PCDH15: variants seen among roughly 807,000 people sequenced by gnomAD.
PCDH15 encodes the protein protocadherin-15.
Under a neutral mutation model 178.5 loss-of-function variants are expected in PCDH15, and 129 were observed. That is an observed-to-expected ratio of 0.72 (90% confidence interval 0.63 to 0.84). The LOEUF (loss-of-function observed/expected upper bound fraction) is 0.84. Ranked by LOEUF, PCDH15 falls within the 40% of genes least tolerant of loss-of-function variation. The pLI is 0.00. For missense variants in PCDH15, 2,230 were observed against 2,099.9 expected (o/e 1.06, Z -1.21); for synonymous variants, 800 against 732.0 (o/e 1.09, Z -1.50).
intron 2 of PCDH15, among the ~76,000 whole-genome samples, chr10:55,615,109 A>G (rs1475065702): frequency 3.3e-5 from 5 of 152,164 alleles, no homozygotes; most frequent in Admixed American, 6.5e-5. Context: ...TTAGCTGGAA[A>G]CAGTAAAGCA....
intron 21 of PCDH15, among the ~76,000 whole-genome samples, chr10:53,993,557 A>G (rs914362936): frequency 3.9e-5 from 6 of 152,224 alleles, no homozygotes; most frequent in African/African-American, 1.2e-4. Flanking sequence ...AAACATTTAT[A>G]ACAGTAACAG....
intron 2 of PCDH15, among the ~76,000 whole-genome samples, chr10:55,141,727 T>C (rs1478620704): frequency 6.6e-6 from 1 of 152,050 alleles, no homozygotes; most frequent in East Asian, 1.9e-4. Flanking sequence ...TTGTAAGCTG[T>C]TCAACATTAA....
At chr10:54,357,304 A>C (rs367757802) in intron 5 of PCDH15, among the ~76,000 whole-genome samples, 30 of 152,220 alleles carry the variant, frequency 2.0e-4, no homozygotes, top group Middle Eastern at 3.4e-3. Context: ...TGATAAGCAA[A>C]TTCAGCAAAG....
intron 2 of PCDH15, among the ~76,000 whole-genome samples, chr10:55,329,058 T>C (rs1844124186): frequency 6.7e-6 from 1 of 148,782 alleles, no homozygotes; most frequent in Non-Finnish European, 1.5e-5. Flanking sequence ...TATGAAGTAA[T>C]GGGTTATTGA....
At chr10:55,291,600 G>A (rs1207279502) in intron 1 of PCDH15, among the ~76,000 whole-genome samples, 1 of 152,122 alleles carries the variant, frequency 6.6e-6, no homozygotes, top group Non-Finnish European at 1.5e-5. Context: ...CTAAGTTAAA[G>A]AAAAGACAAT....
At chr10:55,140,204 A>G (rs1838309100) in intron 2 of PCDH15, among the ~76,000 whole-genome samples, 1 of 151,934 alleles carries the variant, frequency 6.6e-6, no homozygotes, top group Non-Finnish European at 1.5e-5. Flanking sequence ...CCATATAAAT[A>G]CATATCATCT....
At chr10:54,372,843 C>T (rs1947873029) in intron 4 of PCDH15, among the ~76,000 whole-genome samples, 1 of 151,776 alleles carries the variant, frequency 6.6e-6, no homozygotes, top group South Asian at 2.1e-4. Context: ...ACACAATACT[C>T]TGAACGTATA....
intron 2 of PCDH15, among the ~76,000 whole-genome samples, chr10:55,516,716 T>C (rs772395514): frequency 1.3e-5 from 2 of 152,148 alleles, no homozygotes; most frequent in African/African-American, 2.4e-5. Context: ...ATATGAATAT[T>C]TGACCAGATG....
intron 2 of PCDH15, among the ~76,000 whole-genome samples, chr10:54,952,267 T>C (rs1838363989): frequency 6.6e-6 from 1 of 151,880 alleles, no homozygotes; most frequent in Non-Finnish European, 1.5e-5. Context: ...AAAGCTATTA[T>C]TCTTCATCGA....
chr10:55,620,887 A>G (rs953520781), intron 2 of PCDH15, among the ~76,000 whole-genome samples: 1 of 151,696 alleles, frequency 6.6e-6, no homozygotes, highest in African/African-American at 2.4e-5. Context: ...ACCTCTTTGC[A>G]GCTAAAGTCT....
rs183069568 is a variant in PCDH15, at chr10:55,623,106, C to A, written c.-156+4519G>T. ...ATCGCTAGTCCCTGGATTCCACCTC[C>A]TGCTCTATATATTTTTTAACGTTAA... On this transcript the variant is annotated intron_variant, in intron 2 of 5. Transcript: ENST00000613346. Among the ~76,000 whole-genome samples, 135 of 152,200 alleles carry A rather than the reference C, an allele frequency of 8.9e-4. 1 individual carries two copies. Among genetic ancestry groups the A allele is most frequent in the Non-Finnish European group, 5.9e-4 (40 of 68,006 alleles).
chr10:54,318,778 A>G (rs539599744), intron 7 of PCDH15, among the ~76,000 whole-genome samples: 1 of 152,342 alleles, frequency 6.6e-6, no homozygotes, highest in South Asian at 2.1e-4. Flanking sequence ...TAGGAAAACC[A>G]CAAGTCAACT....
At chr10:54,687,653 T>C (rs1565944476) in intron 1 of PCDH15, among the ~76,000 whole-genome samples, 1 of 152,106 alleles carries the variant, frequency 6.6e-6, no homozygotes, top group African/African-American at 2.4e-5. Flanking sequence ...CAGCAATAAT[T>C]CCATCAAGTT....
chr10:54,831,549 T>C (rs1953227866), intron 3 of PCDH15, among the ~76,000 whole-genome samples: 1 of 152,112 alleles, frequency 6.6e-6, no homozygotes, highest in African/African-American at 2.4e-5. Flanking sequence ...AAATTTTCAA[T>C]GTTTGTGTGA....
intron 8 of PCDH15, among the ~76,000 whole-genome samples, chr10:54,269,752 T>C (rs1052246651): frequency 6.6e-6 from 1 of 151,994 alleles, no homozygotes; most frequent in African/African-American, 2.4e-5. Context: ...TAGTTTTCTT[T>C]CCTCTTAACT....
intron 1 of PCDH15, among the ~76,000 whole-genome samples, chr10:55,268,141 C>A (rs1333674512): frequency 6.6e-5 from 10 of 152,076 alleles, no homozygotes; most frequent in Admixed American, 6.6e-4. Flanking sequence ...GTATTAATTA[C>A]AATTATTAGT....
At chr10:54,709,860 A>G (rs2095410501) in intron 1 of PCDH15, among the ~76,000 whole-genome samples, 1 of 143,866 alleles carries the variant, frequency 7.0e-6, no homozygotes, top group African/African-American at 2.5e-5. Context: ...CCAGATTTTT[A>G]GGAATTTTCC....
intron 35 of PCDH15, among the ~76,000 whole-genome samples, 168 bp from the exon 36 acceptor site, chr10:53,811,787 T>C (rs2075873240): frequency 6.6e-6 from 1 of 152,208 alleles, no homozygotes; most frequent in African/African-American, 2.4e-5. Context: ...TTTAAAAGTG[T>C]TAGTCAAATC....
chr10:53,915,426 C>T (rs2083449844), intron 25 of PCDH15, among the ~76,000 whole-genome samples: 1 of 152,152 alleles, frequency 6.6e-6, no homozygotes, highest in Non-Finnish European at 1.5e-5. Context: ...TTAGCTTGGA[C>T]ATTTAATTAA....
Sources: allele counts gnomAD v4.1 joint callset (sites outside exome capture counted in the v4.1 genomes callset), GRCh38; gene constraint gnomAD v4.1.1; transcripts MANE v1.5; gene names NCBI Gene and HGNC (gene_info 2026-07-23, HGNC 2026-07-21).